ZFHX3: variants seen among roughly 807,000 people sequenced by gnomAD.
ZFHX3 encodes the protein zinc finger homeobox protein 3.
ZFHX3 carries 42 observed loss-of-function variants against 279.1 expected under a neutral mutation model. The ratio of observed to expected loss-of-function variants is 0.15; its 90% confidence interval spans 0.12 to 0.19. The LOEUF is 0.19. Ranked by LOEUF, ZFHX3 falls within the 10% of genes least tolerant of loss-of-function variation. ZFHX3 has a pLI of 1.00. For synonymous variants in ZFHX3, 2,293 were observed against 1,957.8 expected (o/e 1.17, Z -4.52); for missense variants, 4,981 against 4,754.0 (o/e 1.05, Z -1.40).
intron 5 of ZFHX3, among the ~76,000 whole-genome samples, chr16:73,233,299 A>T (rs562354424): frequency 6.6e-6 from 1 of 152,294 alleles, no homozygotes; most frequent in Admixed American, 6.5e-5. Flanking sequence ...ATGCCAGGGT[A>T]TACAGTGATG....
chr16:73,333,256 CAGAT>C (rs1862804055), intron 3 of ZFHX3, among the ~76,000 whole-genome samples: 2 of 152,018 alleles, frequency 1.3e-5, no homozygotes, highest in Admixed American at 6.5e-5. Flanking sequence ...TACCCAGACA[CAGAT>C]AGAAAAATAC....
At chr16:72,889,637 G>A in intron 4 of ZFHX3, 94 bp downstream of exon 4, 1 of 1,213,842 alleles carries the variant, frequency 8.2e-7, no homozygotes, top group Non-Finnish European at 1.2e-6. Context: ...AGCTGGATCA[G>A]TAACGTCTCC....
At chr16:72,891,545 T>G (rs777644768) in intron 3 of ZFHX3, among the ~76,000 whole-genome samples, 1 of 152,154 alleles carries the variant, frequency 6.6e-6, no homozygotes, top group Non-Finnish European at 1.5e-5. Context: ...ATGATTCACT[T>G]TAGGGGAAGA....
chr16:72,921,132 C>T (rs1388793755), intron 3 of ZFHX3, among the ~76,000 whole-genome samples: 3 of 150,758 alleles, frequency 2.0e-5, no homozygotes, highest in East Asian at 2.0e-4. Context: ...AGAGTGTCCT[C>T]GCAGAACATC....
chr16:72,814,502 C>A (rs1367086294), intron 5 of ZFHX3, among the ~76,000 whole-genome samples: 2 of 152,198 alleles, frequency 1.3e-5, no homozygotes, highest in Admixed American at 1.3e-4. Context: ...AGAGTCCATC[C>A]TCTTCCTTGA....
At chr16:72,984,622 A>G (rs531275025) in intron 1 of ZFHX3, among the ~76,000 whole-genome samples, 1 of 113,470 alleles carries the variant, frequency 8.8e-6, no homozygotes, top group Admixed American at 8.6e-5. Flanking sequence ...CAAGACTCTG[A>G]CTCAAAAAAA....
chr16:73,384,607 T>A (rs1421399533), intron 3 of ZFHX3, among the ~76,000 whole-genome samples: 1 of 152,206 alleles, frequency 6.6e-6, no homozygotes, highest in Admixed American at 6.5e-5. Flanking sequence ...TCAGCTGTAA[T>A]CAAAGAAAGT....
intron 2 of ZFHX3, among the ~76,000 whole-genome samples, chr16:73,577,604 A>G (rs967698292): frequency 6.6e-5 from 10 of 152,178 alleles, no homozygotes; most frequent in African/African-American, 1.2e-4. Context: ...AAAAAATTCT[A>G]AAAAGAGCAA....
At chr16:73,013,305 T>C (rs1963982314) in intron 1 of ZFHX3, among the ~76,000 whole-genome samples, 1 of 152,212 alleles carries the variant, frequency 6.6e-6, no homozygotes, top group Admixed American at 6.5e-5. Context: ...TTATTATTTT[T>C]GAGACAGGGT....
intron 1 of ZFHX3, among the ~76,000 whole-genome samples, chr16:73,747,645 T>C (rs2053716245): frequency 6.6e-6 from 1 of 152,212 alleles, no homozygotes; most frequent in African/African-American, 2.4e-5. Flanking sequence ...CTGAGAGACA[T>C]CTCCCTCAGA....
intron 3 of ZFHX3, among the ~76,000 whole-genome samples, chr16:73,451,374 T>G (rs1238461691): frequency 6.6e-6 from 1 of 152,222 alleles, no homozygotes; most frequent in Non-Finnish European, 1.5e-5. Flanking sequence ...TGAATTGAGG[T>G]GACTATTAGT....
intron 1 of ZFHX3, among the ~76,000 whole-genome samples, chr16:72,971,372 C>G (rs1042872508): frequency 3.3e-5 from 5 of 152,180 alleles, no homozygotes; most frequent in Admixed American, 6.5e-5. Context: ...CTGGTTGAAT[C>G]AAGCATGGTT....
At chr16:73,295,279 C>G (rs575326422) in intron 4 of ZFHX3, among the ~76,000 whole-genome samples, 17 of 152,330 alleles carry the variant, frequency 1.1e-4, no homozygotes, top group African/African-American at 3.6e-4. Context: ...CTTGACTTTT[C>G]AAGCACTGAG....
chr16:72,915,908 C>T (rs557987491), intron 3 of ZFHX3, among the ~76,000 whole-genome samples: 42 of 152,228 alleles, frequency 2.8e-4, no homozygotes, highest in Non-Finnish European at 3.8e-4. Context: ...CTAAGAATCA[C>T]CCACTCTAGA....
At chr16:72,906,184 T>C (rs1382369052) in intron 3 of ZFHX3, among the ~76,000 whole-genome samples, 1 of 151,758 alleles carries the variant, frequency 6.6e-6, no homozygotes, top group Non-Finnish European at 1.5e-5. Flanking sequence ...CAGCTCCTAG[T>C]GGAATGAGAC....
intron 2 of ZFHX3, among the ~76,000 whole-genome samples, chr16:73,484,288 C>A (rs1193129540): frequency 1.3e-5 from 2 of 152,182 alleles, no homozygotes; most frequent in Non-Finnish European, 2.9e-5. Flanking sequence ...TATCCTCCAC[C>A]TCACTCCCAA....
chr16:73,167,050 T>C (rs1003676873), intron 5 of ZFHX3, among the ~76,000 whole-genome samples: 2 of 152,240 alleles, frequency 1.3e-5, no homozygotes, highest in African/African-American at 4.8e-5. Flanking sequence ...TGGAAGAGTT[T>C]CTAATAGCTG....
At chr16:72,987,329 G>C (rs1342599004) in intron 1 of ZFHX3, among the ~76,000 whole-genome samples, 1 of 152,138 alleles carries the variant, frequency 6.6e-6, no homozygotes, top group Non-Finnish European at 1.5e-5. Flanking sequence ...CAATTGAAGG[G>C]ACACCACTTT....
chr16:73,810,530 A>C (rs181010788), intron 1 of ZFHX3, among the ~76,000 whole-genome samples: 1 of 152,300 alleles, frequency 6.6e-6, no homozygotes, highest in Non-Finnish European at 1.5e-5. Flanking sequence ...GCAATATCTA[A>C]TGTTTTTACA....
Sources: allele counts gnomAD v4.1 joint callset (sites outside exome capture counted in the v4.1 genomes callset), GRCh38; gene constraint gnomAD v4.1.1; transcripts MANE v1.5; gene names NCBI Gene and HGNC (gene_info 2026-07-23, HGNC 2026-07-21).